The following MT1G variants were observed in gnomAD, a reference collection of about 807,000 sequenced individuals.
MT1G encodes metallothionein-1G.
A neutral mutation model predicts 9.1 loss-of-function variants in MT1G; 8 were observed. The observed-to-expected ratio is 0.87, with a 90% CI of 0.51 to 1.58. The LOEUF (loss-of-function observed/expected upper bound fraction) is 1.58. Ranked by LOEUF, MT1G falls within the 40% of genes most tolerant of loss-of-function variation. The pLI is 0.00. For missense variants in MT1G, 79 were observed against 77.3 expected (o/e 1.02, Z -0.08); for synonymous variants, 31 against 28.4 (o/e 1.09, Z -0.29).
intron 1 of MT1G, among the ~76,000 whole-genome samples, chr16:56,667,640 A>G (rs1226711829): frequency 6.6e-6 from 1 of 152,224 alleles, no homozygotes; most frequent in African/African-American, 2.4e-5. Context: ...AACCTGGAAG[A>G]GGCAATGTCC....
In MT1G at chr16:56,667,971, G is replaced by T. The variant is rs1425174626; in HGVS notation, c.23C>A (p.Ala8Asp). The T allele has an allele frequency of 1.2e-6, 2 of 1,613,888 alleles. No individual in the cohort carries two copies. The highest frequency in any genetic ancestry group is 1.7e-6 in the Non-Finnish European group (2 of 1,179,844). ...AGAACCCGGGCGTCCCTTACCAGCG[G>T]CACAGGAGCAGTTGGGGTCCATTGC... is the stretch of plus-strand genomic sequence containing the variant. The part of the protein sequence containing the change: MDPNCSC[A>D]AAGVSCTCAS... The change falls in exon 1 of 3, where the codon GCC becomes GAC. Residue 8 changes from alanine to aspartate, a missense_variant. Coordinates refer to ENST00000379811, the MANE Select transcript of MT1G (RefSeq NM_001301267.2).
intron 2 of MT1G, 104 bp downstream of exon 2, chr16:56,667,208 C>A (rs1309942562): frequency 6.2e-7 from 1 of 1,603,116 alleles, no homozygotes; most frequent in East Asian, 2.2e-5. Context: ...CCTACAGGGA[C>A]AAAGGAAGGC....
At chr16:56,667,160 G>T in intron 2 of MT1G, 152 bp downstream of exon 2, 1 of 1,548,828 alleles carries the variant, frequency 6.5e-7, no homozygotes, top group Non-Finnish European at 8.8e-7. Flanking sequence ...CCTCACATAA[G>T]CCCTGGAAAG....
chr16:56,668,064 G>A lies in MT1G; in HGVS notation c.-71C>T. Reference sequence around the variant, plus strand: ...GCAGTGGGTGCACGTGGAAGGCGGAGTGGAGCCCAACAGCCAGCGGCTGTT... The same window carrying A: ...GCAGTGGGTGCACGTGGAAGGCGGAATGGAGCCCAACAGCCAGCGGCTGTT... On this transcript the variant is annotated 5_prime_UTR_variant, in exon 1 of 3. Transcript: ENST00000379811. The A allele has an allele frequency of 6.5e-7, 1 of 1,545,912 alleles. No homozygotes were observed. The highest frequency in any genetic ancestry group is 8.9e-7 in the Non-Finnish European group (1 of 1,119,178).
At position 56,667,891 on chromosome 16, in the gene MT1G, C is replaced by G. The variant is rs1960808964; in HGVS notation, c.28+75G>C. 4 of 1,568,540 alleles carry G rather than the reference C, an allele frequency of 2.6e-6. No homozygotes were observed. In the Admixed American group the frequency reaches 5.0e-5, roughly 20 times the overall value. ...TACCTCTGATAGCAAAATACGACCTCCTCAAACCCAGGGACACTCTCTATG... is the reference window on the plus strand; with the variant it reads ...TACCTCTGATAGCAAAATACGACCTGCTCAAACCCAGGGACACTCTCTATG... On this transcript the variant is annotated intron_variant, in intron 1 of 2. Coordinates refer to ENST00000379811, the MANE Select transcript of MT1G (RefSeq NM_001301267.2).
rs146412111 is a variant in MT1G at position 56,666,817 on chromosome 16, A to C, written c.*62T>G. The C allele has an allele frequency of 7.6e-6, 12 of 1,587,308 alleles. No individual in the cohort carries two copies. In the African/African-American group the frequency reaches 8.1e-5, roughly 11 times the overall value. ...AAAGGGGTCAAGATTGTAGCAAAAA[A>C]CAAAAAATCCTGGATTTTACGGGTC... On this transcript the variant is annotated 3_prime_UTR_variant, in exon 3 of 3. Transcript: ENST00000379811.
At chr16:56,667,067 C>A in intron 2 of MT1G, 97 bp from the exon 3 acceptor site, 1 of 1,591,624 alleles carries the variant, frequency 6.3e-7, no homozygotes, top group Non-Finnish European at 8.6e-7. Context: ...CCCCAGAGGA[C>A]CCTTAGTTCA....
chr16:56,667,914 A>G (rs2144350996), intron 1 of MT1G, 52 bp downstream of exon 1: 1 of 1,607,282 alleles, frequency 6.2e-7, no homozygotes, highest in Admixed American at 1.7e-5. Context: ...GACACTCTCT[A>G]TGGTGTCTGG....
At chr16:56,667,107 TG>T (rs1344157831) in intron 2 of MT1G, 137 bp from the exon 3 acceptor site, 23 of 1,559,082 alleles carry the variant, frequency 1.5e-5, no homozygotes, top group Middle Eastern at 1.7e-4. Flanking sequence ...AGGAGACAAC[TG>T]GTGGACATTG....
intron 1 of MT1G, 58 bp downstream of exon 1, chr16:56,667,908 C>G: frequency 1.2e-6 from 2 of 1,602,128 alleles, no homozygotes; most frequent in Non-Finnish European, 1.7e-6. Context: ...CCCAGGGACA[C>G]TCTCTATGGT....
intron 1 of MT1G, 80 bp downstream of exon 1, chr16:56,667,886 G>A (rs72784737): frequency 1.3e-6 from 2 of 1,534,024 alleles, no homozygotes; most frequent in African/African-American, 2.7e-5. Context: ...AGCAAAATAC[G>A]ACCTCCTCAA....
intron 1 of MT1G, 77 bp downstream of exon 1, chr16:56,667,889 C>T: frequency 6.4e-7 from 1 of 1,554,100 alleles, no homozygotes; most frequent in Non-Finnish European, 8.9e-7. Flanking sequence ...AAAATACGAC[C>T]TCCTCAAACC....
chr16:56,667,099 G>A, intron 2 of MT1G, 129 bp from the exon 3 acceptor site: 3 of 1,568,422 alleles, frequency 1.9e-6, no homozygotes, highest in Non-Finnish European at 2.6e-6. Flanking sequence ...TTTTTGTCAG[G>A]AGACAACTGG....
In MT1G at chr16:56,668,019, C is replaced by T. The variant is rs570672924; in HGVS notation, c.-26G>A. 11 of 1,613,414 alleles carry T rather than the reference C, an allele frequency of 6.8e-6. No individual in the cohort carries two copies. The highest frequency in any genetic ancestry group is 1.7e-5 in the Admixed American group (1 of 60,014). The stretch of plus-strand genomic sequence containing the variant: ...TGCAACCCGAGGCGAGACTAGAGTT[C>T]CCAAGCGAGAAGGGAAGAGGCAGTG... On this transcript the variant is annotated 5_prime_UTR_variant, in exon 1 of 3. Coordinates refer to ENST00000379811, the MANE Select transcript of MT1G (RefSeq NM_001301267.2).
rs780365887 is a variant in MT1G at position 56,668,032 on chromosome 16, G to A, written c.-39C>T. 9.3e-6 allele frequency: 15 copies of A among 1,610,402 alleles called. No homozygotes were observed. The highest frequency in any genetic ancestry group is 2.2e-5 in the East Asian group (1 of 44,766). On this transcript the variant is annotated 5_prime_UTR_variant, in exon 1 of 3. Transcript: ENST00000379811. ...GAGACTAGAGTTCCCAAGCGAGAAG[G>A]GAAGAGGCAGTGGGTGCACGTGGAA...
Position 56,667,394 on chromosome 16 carries a change from A to G in MT1G, c.29-14T>C. The G allele has an allele frequency of 6.2e-7, 1 of 1,614,080 alleles. No individual in the cohort carries two copies. The highest frequency in any genetic ancestry group is 8.5e-7 in the Non-Finnish European group (1 of 1,179,966). On this transcript the variant is annotated splice_polypyrimidine_tract_variant and intron_variant, in intron 1 of 2. Coordinates refer to ENST00000379811, the MANE Select transcript of MT1G (RefSeq NM_001301267.2). ...AGGAGACACCTGCTAGAAGAGAAAA[A>G]GCCAGTGAACGGTGAGTGAGATGCA...
Position 56,668,061 on chromosome 16 carries a change from G to A in MT1G, c.-68C>T, listed in dbSNP as rs192718732. The A allele has an allele frequency of 4.5e-6, 7 of 1,552,592 alleles. No homozygotes were observed. In the Middle Eastern group the frequency reaches 8.4e-4, roughly 187 times the overall value. On this transcript the variant is annotated 5_prime_UTR_variant, in exon 1 of 3. Transcript: ENST00000379811. ...GAGGCAGTGGGTGCACGTGGAAGGC[G>A]GAGTGGAGCCCAACAGCCAGCGGCT... is the stretch of plus-strand genomic sequence containing the variant.
At chr16:56,667,228 A>T (rs1442128704) in intron 2 of MT1G, 84 bp downstream of exon 2, 1 of 1,610,464 alleles carries the variant, frequency 6.2e-7, no homozygotes, top group Non-Finnish European at 8.5e-7. Context: ...CCGGTTCCCC[A>T]GAAGCACGCA....
intron 1 of MT1G, 44 bp from the exon 2 acceptor site, chr16:56,667,424 G>A (rs754484258): frequency 6.2e-7 from 1 of 1,613,076 alleles, no homozygotes. Flanking sequence ...GATGCAGAAG[G>A]TACAGCAGTG....
Sources: gnomAD v4.1 joint callset for allele counts (sites outside exome capture counted in the v4.1 genomes callset) on GRCh38, gnomAD v4.1.1 for gene constraint, MANE v1.5 for transcripts, NCBI Gene and HGNC (gene_info 2026-07-23, HGNC 2026-07-21) for gene names.